Variants in KHDRBS2 observed in about 807,000 individuals in gnomAD.
The protein encoded by KHDRBS2 is KH domain-containing, RNA-binding, signal transduction-associated protein 2.
In KHDRBS2, 26 loss-of-function variants were observed where a neutral mutation model predicts 44.3. The ratio of observed to expected loss-of-function variants is 0.59; its 90% CI spans 0.43 to 0.81. The LOEUF (loss-of-function observed/expected upper bound fraction) is 0.81, where lower values mean the gene tolerates loss of function less well. Among genes scored for constraint, KHDRBS2 ranks in the 40% least tolerant of loss-of-function variants. KHDRBS2 has a pLI of 0.00. For missense variants in KHDRBS2, 476 were observed against 433.1 expected (o/e 1.10, Z -0.88); for synonymous variants, 194 against 151.1 (o/e 1.28, Z -2.08).
At chr6:61,912,066 G>A (rs1156252518) in intron 4 of KHDRBS2, among the ~76,000 whole-genome samples, 1 of 152,114 alleles carries the variant, frequency 6.6e-6, no homozygotes, top group East Asian at 1.9e-4. Flanking sequence ...CCAAGCAAGA[G>A]GGAGAGAGAG....
intron 1 of KHDRBS2, among the ~76,000 whole-genome samples, chr6:62,213,216 A>G (rs1829384532): frequency 2.6e-5 from 4 of 152,188 alleles, no homozygotes. Context: ...CTCAGTTTCA[A>G]TATTTTTTTG....
At chr6:61,925,588 C>G (rs1216982474) in intron 4 of KHDRBS2, among the ~76,000 whole-genome samples, 1 of 151,800 alleles carries the variant, frequency 6.6e-6, no homozygotes. Context: ...GTGGTGTGCA[C>G]CTGTACACCT....
At chr6:61,760,817 T>A (rs564445979) in intron 6 of KHDRBS2, among the ~76,000 whole-genome samples, 1 of 152,302 alleles carries the variant, frequency 6.6e-6, no homozygotes, top group South Asian at 2.1e-4. Flanking sequence ...GCATACAATT[T>A]AAATATGTTG....
At chr6:61,805,663 C>T (rs1042914514) in intron 6 of KHDRBS2, among the ~76,000 whole-genome samples, 2 of 152,110 alleles carry the variant, frequency 1.3e-5, no homozygotes, top group Non-Finnish European at 2.9e-5. Flanking sequence ...CAGTAGGCAC[C>T]TCTTCACAGG....
At chr6:62,171,505 T>C (rs1449631025) in intron 2 of KHDRBS2, among the ~76,000 whole-genome samples, 1 of 152,020 alleles carries the variant, frequency 6.6e-6, no homozygotes, top group Non-Finnish European at 1.5e-5. Context: ...ACTTGGAAAA[T>C]GTATTTGAGG....
intron 2 of KHDRBS2, among the ~76,000 whole-genome samples, chr6:62,082,253 G>C (rs1797537629): frequency 6.6e-6 from 1 of 151,490 alleles, no homozygotes; most frequent in Non-Finnish European, 1.5e-5. Flanking sequence ...CCCATCTTCT[G>C]ACAAGAAAAA....
At chr6:61,647,253 A>T in the KHDRBS2 span, among the ~76,000 whole-genome samples, 2 of 152,198 alleles carry the variant, frequency 1.3e-5, no homozygotes, top group Non-Finnish European at 2.9e-5. Context: ...CATTCTGAAA[A>T]TATGTTTACT....
chr6:62,043,034 G>C (rs1786887318), intron 3 of KHDRBS2, among the ~76,000 whole-genome samples: 1 of 152,086 alleles, frequency 6.6e-6, no homozygotes. Flanking sequence ...AAGGACAATA[G>C]GTGAGTCTAA....
At chr6:61,742,769 G>C (rs1051919988) in intron 6 of KHDRBS2, among the ~76,000 whole-genome samples, 1 of 152,030 alleles carries the variant, frequency 6.6e-6, no homozygotes, top group East Asian at 1.9e-4. Context: ...AAACCTAACA[G>C]TTTAGCTCTG....
At chr6:62,235,059 T>C (rs1483700463) in intron 1 of KHDRBS2, among the ~76,000 whole-genome samples, 1 of 150,108 alleles carries the variant, frequency 6.7e-6, no homozygotes, top group East Asian at 1.9e-4. Context: ...ACTGAGATGT[T>C]TCCATTTAGG....
Position 61,819,270 on chromosome 6 carries a change from G to A in KHDRBS2, c.810+75365C>T, listed in dbSNP as rs530224649. 8.6e-4 allele frequency among the ~76,000 whole-genome samples: 130 copies of A among 151,886 alleles called. 1 individual carries two copies. In the Middle Eastern group the frequency reaches 0.017, roughly 20 times the overall value. On this transcript the variant is annotated intron_variant, in intron 6 of 8. Coordinates refer to ENST00000281156, the MANE Select transcript of KHDRBS2 (RefSeq NM_152688.4). ...AGGGTTAAGAGAATAAGGGATTCAG[G>A]AAATAATTTTTACACCAAATTTTAA...
chr6:61,905,501 C>T (rs1398280370), intron 4 of KHDRBS2, among the ~76,000 whole-genome samples: 2 of 152,054 alleles, frequency 1.3e-5, no homozygotes, highest in South Asian at 2.1e-4. Flanking sequence ...AATAACCTTA[C>T]GTTTAAAATG....
the KHDRBS2 span, among the ~76,000 whole-genome samples, chr6:61,581,066 A>T: frequency 1.3e-5 from 2 of 152,234 alleles, no homozygotes; most frequent in East Asian, 3.8e-4. Flanking sequence ...GAGAAGGGAC[A>T]TCAAGCATTT....
intron 4 of KHDRBS2, among the ~76,000 whole-genome samples, chr6:61,968,545 T>C (rs1770624542): frequency 6.6e-6 from 1 of 152,066 alleles, no homozygotes; most frequent in Non-Finnish European, 1.5e-5. Context: ...GCACCTGTGT[T>C]ACCACTAAAA....
chr6:61,837,180 C>A (rs1383358428), intron 6 of KHDRBS2, among the ~76,000 whole-genome samples: 1 of 152,022 alleles, frequency 6.6e-6, no homozygotes, highest in African/African-American at 2.4e-5. Flanking sequence ...ATTCACAAAT[C>A]AGGACGTATC....
intron 6 of KHDRBS2, among the ~76,000 whole-genome samples, chr6:61,762,224 T>C (rs6913824): frequency 0.2 from 29,998 of 152,108 alleles, 3,991 homozygotes; most frequent in African/African-American, 0.36. Context: ...TTTTCCATAA[T>C]TGATTCTCAG....
At chr6:61,878,289 T>G (rs555669527) in intron 6 of KHDRBS2, among the ~76,000 whole-genome samples, 1 of 152,148 alleles carries the variant, frequency 6.6e-6, no homozygotes, top group Non-Finnish European at 1.5e-5. Flanking sequence ...ACTTAATTAT[T>G]AAGTTTTCTT....
At chr6:61,954,851 C>T (rs535238985) in intron 4 of KHDRBS2, among the ~76,000 whole-genome samples, 9,074 of 38,288 alleles carry the variant, frequency 0.24, 2,250 homozygotes, top group African/African-American at 0.32. Flanking sequence ...TATACATATG[C>T]ATGTGTATAT....
intron 2 of KHDRBS2, among the ~76,000 whole-genome samples, chr6:62,154,481 C>A (rs186316925): frequency 3.3e-5 from 5 of 151,962 alleles, no homozygotes; most frequent in East Asian, 1.9e-4. Context: ...TAATATAAGA[C>A]CTGGTTTTTA....
Sources: gnomAD v4.1 joint callset for allele counts (sites outside exome capture counted in the v4.1 genomes callset) on GRCh38, gnomAD v4.1.1 for gene constraint, MANE v1.5 for transcripts, NCBI Gene and HGNC (gene_info 2026-07-23, HGNC 2026-07-21) for gene names.